The following ARMC8 variants were observed in gnomAD, a reference collection of about 807,000 sequenced individuals.
ARMC8 encodes armadillo repeat-containing protein 8.
ARMC8 carries 20 observed loss-of-function variants against 99.3 expected under a neutral mutation model. The observed-to-expected ratio is 0.20, with a 90% CI of 0.14 to 0.29. The LOEUF is 0.29. Among genes scored for constraint, ARMC8 ranks in the 10% least tolerant of loss-of-function variants. ARMC8 has a pLI of 1.00. For synonymous variants in ARMC8, 263 were observed against 278.3 expected, an observed-to-expected ratio of 0.95 and a Z score of 0.55; for missense variants, 569 against 809.5, an observed-to-expected ratio of 0.70 and a Z score of 3.60.
chr3:138,197,801 A>G (rs770114510), intron 1 of ARMC8, among the ~76,000 whole-genome samples: 1 of 152,216 alleles, frequency 6.6e-6, no homozygotes, highest in African/African-American at 2.4e-5. Flanking sequence ...CCGTTTAAGC[A>G]TTCTCATCTA....
At chr3:138,267,565 A>T (rs1380408949) in intron 15 of ARMC8, among the ~76,000 whole-genome samples, 1 of 152,260 alleles carries the variant, frequency 6.6e-6, no homozygotes, top group Non-Finnish European at 1.5e-5. Flanking sequence ...GGCTATCTTT[A>T]CTAAAGAATA....
chr3:138,195,573 TACTG>T (rs1438074059), intron 1 of ARMC8, among the ~76,000 whole-genome samples: 1 of 152,168 alleles, frequency 6.6e-6, no homozygotes, highest in African/African-American at 2.4e-5. Flanking sequence ...TTAAAATACT[TACTG>T]TCAGCAGACA....
At chr3:138,194,906 C>T (rs1274900392) in intron 1 of ARMC8, among the ~76,000 whole-genome samples, 1 of 152,120 alleles carries the variant, frequency 6.6e-6, no homozygotes, top group East Asian at 1.9e-4. Flanking sequence ...CTGTACAGCA[C>T]ATTTTAAAGT....
At chr3:138,276,101 A>G (rs1186836163) in intron 18 of ARMC8, among the ~76,000 whole-genome samples, 1 of 152,220 alleles carries the variant, frequency 6.6e-6, no homozygotes, top group East Asian at 1.9e-4. Flanking sequence ...AATGAGGGCA[A>G]AATGAAAGAC....
rs1454959818 is a variant in ARMC8 at position 138,187,613 on chromosome 3, C to G, written c.45+14C>G. The G allele has an allele frequency of 2.6e-6, 4 of 1,535,526 alleles. No individual in the cohort carries two copies. The highest frequency in any genetic ancestry group is 2.6e-6 in the Non-Finnish European group (3 of 1,146,456). ...AGCGTCCTTTCGGTGAGTGACCCGCCGCGGCCGCCCGCCCGCCCTCCAGGA... is the reference window on the plus strand; with the variant it reads ...AGCGTCCTTTCGGTGAGTGACCCGCGGCGGCCGCCCGCCCGCCCTCCAGGA... On this transcript the variant is annotated intron_variant, in intron 1 of 21. Transcript: ENST00000469044.
intron 1 of ARMC8, among the ~76,000 whole-genome samples, chr3:138,200,119 C>T (rs1246219185): frequency 6.6e-6 from 1 of 152,066 alleles, no homozygotes; most frequent in Non-Finnish European, 1.5e-5. Context: ...GTTAACTGTC[C>T]TCACATGTAA....
chr3:138,190,488 C>T (rs1359021714), intron 1 of ARMC8, among the ~76,000 whole-genome samples: 1 of 151,896 alleles, frequency 6.6e-6, no homozygotes, highest in East Asian at 1.9e-4. Flanking sequence ...AGAGTCTCAC[C>T]ATGTTGGCCA....
At chr3:138,265,055 G>A (rs1158124111) in intron 14 of ARMC8, among the ~76,000 whole-genome samples, 1 of 151,880 alleles carries the variant, frequency 6.6e-6, no homozygotes, top group Non-Finnish European at 1.5e-5. Context: ...GTGCCACTAT[G>A]CCTGGCTAAT....
chr3:138,284,399 T>A, intron 18 of ARMC8, 32 bp from the exon 19 acceptor site: 1 of 1,558,388 alleles, frequency 6.4e-7, no homozygotes, highest in South Asian at 1.1e-5. Context: ...CTTCAGAGCT[T>A]TCCTGACTGT....
rs61298993 is a variant in ARMC8 at position 138,231,961 on chromosome 3, C to CTTTT, written c.528+2975_528+2978dup. ...GCCACTAATTCTTTCCTTGCAATTGCTTTTTTTTTTTTTTTTTTTTTTTTT... is the reference window on the plus strand; with the variant it reads ...GCCACTAATTCTTTCCTTGCAATTGCTTTTTTTTTTTTTTTTTTTTTTTTTTTTT... On this transcript the variant is annotated intron_variant, in intron 6 of 21. Transcript: ENST00000469044. Among the ~76,000 whole-genome samples the CTTTT allele has an allele frequency of 2.3e-3, 132 of 58,638 alleles. 31 individuals carry two copies. The highest frequency in any genetic ancestry group is 9.8e-3 in the East Asian group (15 of 1,526). 38.5% of individuals were successfully genotyped at this position (58,638 alleles called of 152,430 possible).
chr3:138,220,829 A>C (rs2108072621), intron 2 of ARMC8, among the ~76,000 whole-genome samples: 1 of 151,658 alleles, frequency 6.6e-6, no homozygotes, highest in Admixed American at 6.6e-5. Flanking sequence ...AGCTGGGACC[A>C]CAAGTGCGTG....
intron 18 of ARMC8, among the ~76,000 whole-genome samples, chr3:138,283,867 C>T (rs1267066591): frequency 6.6e-6 from 1 of 152,152 alleles, no homozygotes; most frequent in Non-Finnish European, 1.5e-5. Context: ...TTTCTCTTCC[C>T]CTAACAGGGT....
intron 12 of ARMC8, among the ~76,000 whole-genome samples, chr3:138,254,893 A>G (rs1475594618): frequency 6.6e-6 from 1 of 152,234 alleles, no homozygotes; most frequent in East Asian, 1.9e-4. Flanking sequence ...ATAAATGACA[A>G]AATATCATGA....
In ARMC8 at chr3:138,200,964, G is replaced by A. The variant is rs1032738220; in HGVS notation, c.46-8853G>A. ...GTCTCCCTCTGTTACCCAGGCTGAA[G>A]TGCAGTGGCGTGATCTTGGCTCATT... On this transcript the variant is annotated intron_variant, in intron 1 of 21. Coordinates refer to ENST00000469044, the MANE Select transcript of ARMC8 (RefSeq NM_001363941.2). 6.7e-5 allele frequency among the ~76,000 whole-genome samples: 8 copies of A among 118,696 alleles called. No homozygotes were observed. In the East Asian group the frequency reaches 1.2e-3, roughly 17 times the overall value. The allele number at this position is 118,696 out of a possible 152,430, so 77.9% of individuals were successfully genotyped here.
chr3:138,247,277 C>G (rs2046925654), intron 12 of ARMC8, among the ~76,000 whole-genome samples: 1 of 151,590 alleles, frequency 6.6e-6, no homozygotes, highest in Non-Finnish European at 1.5e-5. Context: ...TTGTGTAGAT[C>G]CTTAAAGTAC....
At chr3:138,238,336 A>G (rs1320954087) in intron 9 of ARMC8, 1 of 152,326 alleles carries the variant, frequency 6.6e-6, no homozygotes, top group African/African-American at 2.4e-5. Context: ...AAGTGCTGGG[A>G]TTACAGGCAT....
intron 1 of ARMC8, among the ~76,000 whole-genome samples, chr3:138,197,762 T>G (rs2043820958): frequency 6.6e-6 from 1 of 152,228 alleles, no homozygotes; most frequent in East Asian, 1.9e-4. Context: ...TCTCATTTGC[T>G]CTATCCAGAG....
Position 138,187,488 on chromosome 3 carries a change from A to G in ARMC8, c.-67A>G. 2 of 1,507,522 alleles carry G rather than the reference A, an allele frequency of 1.3e-6. No homozygotes were observed. The highest frequency in any genetic ancestry group is 1.8e-6 in the Non-Finnish European group (2 of 1,121,252). 93.4% of individuals were successfully genotyped at this position (1,507,522 alleles called of 1,614,324 possible). On this transcript the variant is annotated 5_prime_UTR_variant, in exon 1 of 22. Transcript: ENST00000469044. ...AGGGAGCGGTGCCTAGCGTTGGCCAATAGTTGGCTGTCGAAAGTGCCGGCC... is the reference window on the plus strand; with the variant it reads ...AGGGAGCGGTGCCTAGCGTTGGCCAGTAGTTGGCTGTCGAAAGTGCCGGCC...
Position 138,296,908 on chromosome 3 carries a change from G to A in ARMC8, c.*1016G>A, listed in dbSNP as rs2051539281. 6.6e-6 allele frequency: 1 copy of A among 152,128 alleles called. No homozygotes were observed. The allele number at this position is 152,128 out of a possible 1,614,324, so 9.4% of individuals were successfully genotyped here. A position where few individuals can be genotyped will look rare whatever the true frequency, so the allele number is the denominator to read the frequency against. ...TCTGGCCAGATTTAGAACCAGTCAT[G>A]GAAACTTGTGCTCAAACTAAAAGTA... On this transcript the variant is annotated 3_prime_UTR_variant, in exon 22 of 22. Coordinates refer to ENST00000469044, the MANE Select transcript of ARMC8 (RefSeq NM_001363941.2).
Sources: allele counts gnomAD v4.1 joint callset (sites outside exome capture counted in the v4.1 genomes callset), GRCh38; gene constraint gnomAD v4.1.1; transcripts MANE v1.5; gene names NCBI Gene and HGNC (gene_info 2026-07-23, HGNC 2026-07-21).